Variants in MRPS28 observed in about 807,000 individuals in gnomAD.
MRPS28 encodes small ribosomal subunit protein bS1m.
A neutral mutation model predicts 10.8 loss-of-function variants in MRPS28; 7 were observed. That is an observed-to-expected ratio of 0.65 (90% CI 0.37 to 1.22). MRPS28 has a LOEUF of 1.22. MRPS28 is among the 50% of genes most tolerant of loss of function. MRPS28 has a pLI of 0.02. For missense variants in MRPS28, 265 were observed against 232.9 expected (o/e 1.14, Z -0.90); for synonymous variants, 121 against 93.3 (o/e 1.30, Z -1.71).
Position 79,918,988 on chromosome 8 carries a change from CATG to C in MRPS28, c.553_555del (p.His185del). The C allele has an allele frequency of 6.5e-7, 1 of 1,547,728 alleles. No homozygotes were observed. Among genetic ancestry groups the C allele is most frequent in the Middle Eastern group, 1.7e-4 (1 of 5,776 alleles). On this transcript the variant is annotated inframe_deletion, in exon 3 of 3. Transcript: ENST00000276585. ...CACTAAGCAAAGTTCATTTATTTTT[CATG>C]ATGTTCTTCTTTCGATCTTGAGTCT...
chr8:79,950,870 A>T (rs1807061304), intron 2 of MRPS28, among the ~76,000 whole-genome samples: 1 of 152,132 alleles, frequency 6.6e-6, no homozygotes, highest in Admixed American at 6.5e-5. Flanking sequence ...TCACTTTAGG[A>T]CTCATATTCC....
intron 2 of MRPS28, among the ~76,000 whole-genome samples, chr8:79,939,577 G>A (rs1398345904): frequency 2.6e-5 from 4 of 152,116 alleles, no homozygotes; most frequent in Admixed American, 2.0e-4. Context: ...TTTCTACAAT[G>A]TACTTGCCTC....
intron 2 of MRPS28, among the ~76,000 whole-genome samples, chr8:79,937,536 C>T (rs1046574379): frequency 1.3e-5 from 2 of 152,176 alleles, no homozygotes; most frequent in Admixed American, 1.3e-4. Flanking sequence ...ATATGAAATA[C>T]ACCTCTAATT....
At chr8:79,984,522 G>A (rs1808090609) in intron 2 of MRPS28, among the ~76,000 whole-genome samples, 2 of 152,184 alleles carry the variant, frequency 1.3e-5, no homozygotes. Context: ...GCTGTATTCA[G>A]GAGACCCATC....
intron 2 of MRPS28, among the ~76,000 whole-genome samples, chr8:79,964,133 T>A (rs545837697): frequency 1.6e-4 from 25 of 152,094 alleles, no homozygotes; most frequent in Non-Finnish European, 3.7e-4. Flanking sequence ...TTAAGTAATG[T>A]AGGCCATTAC....
chr8:80,000,486 A>G (rs891018516), intron 2 of MRPS28, among the ~76,000 whole-genome samples: 1 of 152,178 alleles, frequency 6.6e-6, no homozygotes, highest in Non-Finnish European at 1.5e-5. Flanking sequence ...CTCCCCTCAA[A>G]AAGCTTTTAT....
chr8:79,952,971 T>A (rs1182832379), intron 2 of MRPS28, among the ~76,000 whole-genome samples: 1 of 152,154 alleles, frequency 6.6e-6, no homozygotes, highest in East Asian at 1.9e-4. Context: ...GAGATAACTT[T>A]CAGTAGTGAG....
chr8:79,949,328 C>T (rs959772939), intron 2 of MRPS28, among the ~76,000 whole-genome samples: 5 of 151,420 alleles, frequency 3.3e-5, no homozygotes, highest in Non-Finnish European at 5.9e-5. Context: ...GCAGGAGAAT[C>T]GCTTGAACCC....
chr8:79,945,080 A>G (rs1271760351), intron 2 of MRPS28, among the ~76,000 whole-genome samples: 1 of 152,210 alleles, frequency 6.6e-6, no homozygotes, highest in African/African-American at 2.4e-5. Context: ...ATCAAGTTAG[A>G]ATGATCTACA....
chr8:79,980,095 ATCTG>A (rs1016531652), intron 2 of MRPS28, among the ~76,000 whole-genome samples: 24 of 152,212 alleles, frequency 1.6e-4, no homozygotes, highest in Admixed American at 4.6e-4. Context: ...AAAGCATAGT[ATCTG>A]TCTGACACAT....
At chr8:79,997,726 T>G (rs1372793437) in intron 2 of MRPS28, among the ~76,000 whole-genome samples, 2 of 152,054 alleles carry the variant, frequency 1.3e-5, no homozygotes, top group Non-Finnish European at 2.9e-5. Context: ...TTGTACAATA[T>G]TCAAGTAAAT....
chr8:79,999,451 C>G (rs879789848), intron 2 of MRPS28, among the ~76,000 whole-genome samples: 1 of 152,130 alleles, frequency 6.6e-6, no homozygotes, highest in Non-Finnish European at 1.5e-5. Context: ...TGACAATTCT[C>G]AATAATATTT....
At chr8:80,013,888 G>A (rs1809127401) in intron 1 of MRPS28, among the ~76,000 whole-genome samples, 1 of 151,944 alleles carries the variant, frequency 6.6e-6, no homozygotes, top group African/African-American at 2.4e-5. Context: ...AGGTGATAAG[G>A]TACTTACATT....
Position 79,924,510 on chromosome 8 carries a change from T to C in MRPS28, c.396-5362A>G, listed in dbSNP as rs1452987863. ...AACTGTCTGGGCTTCAATTTCATCA[T>C]TGTTAAAAAGCAGAGGGTCAGAAAA... On this transcript the variant is annotated intron_variant, in intron 2 of 2. Coordinates refer to ENST00000276585, the MANE Select transcript of MRPS28 (RefSeq NM_014018.3). Among the ~76,000 whole-genome samples, 6 of 152,236 alleles carry C rather than the reference T, an allele frequency of 3.9e-5. No homozygotes were observed. The East Asian group carries it at 5.8e-4, about 15-fold the overall frequency.
At chr8:80,011,307 C>T (rs2130195681) in intron 1 of MRPS28, among the ~76,000 whole-genome samples, 2 of 151,948 alleles carry the variant, frequency 1.3e-5, no homozygotes, top group Admixed American at 1.3e-4. Flanking sequence ...AGGGCAGGTC[C>T]TGCCCACTTT....
intron 2 of MRPS28, among the ~76,000 whole-genome samples, chr8:79,955,605 GGATGGAA>G (rs1157655649): frequency 2.0e-5 from 3 of 151,976 alleles, no homozygotes; most frequent in African/African-American, 7.3e-5. Context: ...TCCACTACCT[GGATGGAA>G]GCCAGTGTCA....
intron 2 of MRPS28, among the ~76,000 whole-genome samples, chr8:79,930,211 G>A (rs1415266924): frequency 6.6e-6 from 1 of 152,178 alleles, no homozygotes; most frequent in East Asian, 1.9e-4. Flanking sequence ...TTTCAGATAG[G>A]AGGATCACTT....
chr8:79,993,884 T>C (rs1808427369), intron 2 of MRPS28, among the ~76,000 whole-genome samples: 1 of 152,200 alleles, frequency 6.6e-6, no homozygotes, highest in African/African-American at 2.4e-5. Flanking sequence ...TCACACAATC[T>C]GAAATAGAAA....
chr8:79,928,747 C>T (rs1329157316), intron 2 of MRPS28, among the ~76,000 whole-genome samples: 4 of 149,618 alleles, frequency 2.7e-5, no homozygotes, highest in African/African-American at 4.9e-5. Flanking sequence ...AGCCTAAGTA[C>T]GTTAATTAAA....
Sources: gnomAD v4.1 joint callset for allele counts (sites outside exome capture counted in the v4.1 genomes callset) on GRCh38, gnomAD v4.1.1 for gene constraint, MANE v1.5 for transcripts, NCBI Gene and HGNC (gene_info 2026-07-23, HGNC 2026-07-21) for gene names.